VIPAS39: variants seen among roughly 807,000 people sequenced by gnomAD.
VIPAS39 encodes the protein VPS33B interacting protein, apical-basolateral polarity regulator, spe-39 homolog.
A neutral mutation model predicts 84.7 loss-of-function variants in VIPAS39; 63 were observed. That is an observed-to-expected ratio of 0.74 (90% CI 0.61 to 0.92). VIPAS39 has a LOEUF of 0.92. Among genes scored for constraint, VIPAS39 ranks in the 40% least tolerant of loss-of-function variants. The pLI, the probability that VIPAS39 is intolerant of heterozygous loss-of-function variation, is 0.00. For missense variants in VIPAS39, 499 were observed against 604.5 expected, an observed-to-expected ratio of 0.83 and a Z score of 1.83; for synonymous variants, 192 against 216.5, an observed-to-expected ratio of 0.89 and a Z score of 0.99.
chr14:77,442,885 G>C (rs968046507), intron 9 of VIPAS39, among the ~76,000 whole-genome samples: 3 of 152,122 alleles, frequency 2.0e-5, no homozygotes, highest in African/African-American at 7.2e-5. Context: ...ACTTAGCATG[G>C]ACTCTGACTT....
At chr14:77,430,554 T>TA (rs1351856715) in intron 16 of VIPAS39, among the ~76,000 whole-genome samples, 4 of 151,840 alleles carry the variant, frequency 2.6e-5, no homozygotes, top group Non-Finnish European at 5.9e-5. Context: ...CCATCTTTAC[T>TA]AAAAATACAA....
At chr14:77,456,842 TATAG>T (rs1290596337) in intron 1 of VIPAS39, among the ~76,000 whole-genome samples, 1 of 152,220 alleles carries the variant, frequency 6.6e-6, no homozygotes, top group East Asian at 1.9e-4. Context: ...ACTTGGCAAG[TATAG>T]ATAATGATCT....
intron 16 of VIPAS39, among the ~76,000 whole-genome samples, chr14:77,432,914 C>T (rs1222431228): frequency 6.6e-6 from 1 of 152,108 alleles, no homozygotes; most frequent in Non-Finnish European, 1.5e-5. Context: ...AAATGGCTAA[C>T]TGTGAGATGA....
chr14:77,456,469 C>G (rs934026944), intron 1 of VIPAS39, among the ~76,000 whole-genome samples: 1 of 152,200 alleles, frequency 6.6e-6, no homozygotes, highest in Non-Finnish European at 1.5e-5. Context: ...GTTTGATCCT[C>G]AGAACAATCT....
intron 19 of VIPAS39, 140 bp downstream of exon 19, chr14:77,428,230 A>C (rs532462361): frequency 1.3e-6 from 1 of 759,094 alleles, no homozygotes; most frequent in Admixed American, 2.0e-5. Flanking sequence ...TGCTTTTGAC[A>C]TTGTGGCCAG....
At chr14:77,437,587 T>C (rs2078633377) in intron 12 of VIPAS39, among the ~76,000 whole-genome samples, 1 of 152,130 alleles carries the variant, frequency 6.6e-6, no homozygotes, top group African/African-American at 2.4e-5. Flanking sequence ...AAAAAATCTC[T>C]CTACATTTGT....
rs370271110 is a variant in VIPAS39 at position 77,435,340 on chromosome 14, G to A, written c.966C>T (p.His322=). 1.2e-6 allele frequency: 2 copies of A among 1,612,388 alleles called. No individual in the cohort carries two copies. The highest frequency in any genetic ancestry group is 1.1e-5 in the South Asian group (1 of 91,030). The change falls in exon 14 of 20, where the codon CAC becomes CAT. Residue 322 remains histidine, a synonymous_variant. Coordinates refer to ENST00000557658, the MANE Select transcript of VIPAS39 (RefSeq NM_001193315.2). ...TGTTGAGGATGGAGGCTTTGCGGGG[G>A]TGCTTTCGGAAGATCTCAGTCTGTC... is the stretch of plus-strand genomic sequence containing the variant. ...SAGQTEIFRK[H]PRKASILNMP...
At chr14:77,427,702 A>T in intron 19 of VIPAS39, 66 bp from the exon 20 acceptor site, 1 of 1,593,200 alleles carries the variant, frequency 6.3e-7, no homozygotes, top group South Asian at 1.1e-5. Context: ...CAAGGCAGAG[A>T]AAATGCAACA....
rs540211704 is a variant in VIPAS39 at position 77,454,095 on chromosome 14, C to T, written c.8G>A (p.Arg3Gln). 1.1e-5 allele frequency: 18 copies of T among 1,613,976 alleles called. No individual in the cohort carries two copies. The highest frequency in any genetic ancestry group is 1.7e-5 in the Admixed American group (1 of 60,006). Residue 3 changes from arginine (R) to glutamine (Q), a missense_variant, in exon 2 of 20, where the codon CGG becomes CAG. Transcript: ENST00000557658. Reference protein sequence around the residue: MNRTKGDEEEYWN... With the variant: MNQTKGDEEEYWN... ...ATACTCCTCCTCATCACCCTTTGTC[C>T]GATTCATCTACAGTGACAGGAAAAC...
At chr14:77,432,473 T>G (rs1381415247) in intron 16 of VIPAS39, among the ~76,000 whole-genome samples, 1 of 152,146 alleles carries the variant, frequency 6.6e-6, no homozygotes, top group Admixed American at 6.5e-5. Context: ...TACACTCCCA[T>G]GTTTATTGTG....
At chr14:77,451,454 A>C in intron 3 of VIPAS39, 121 bp from the exon 4 acceptor site, 1 of 1,434,228 alleles carries the variant, frequency 7.0e-7, no homozygotes, top group African/African-American at 1.4e-5. Context: ...AACTTGGGGC[A>C]GGGAGAAAAG....
intron 7 of VIPAS39, among the ~76,000 whole-genome samples, chr14:77,445,862 C>T (rs1198274614): frequency 6.6e-6 from 1 of 151,514 alleles, no homozygotes; most frequent in Non-Finnish European, 1.5e-5. Context: ...ATCACTTGAA[C>T]CTGGGAGGCG....
chr14:77,432,493 A>G lies in VIPAS39; in HGVS notation c.1179+1349T>C, dbSNP rs146517495. Among the ~76,000 whole-genome samples the G allele has an allele frequency of 4.4e-3, 670 of 152,322 alleles. 7 individuals carry two copies. Among genetic ancestry groups the G allele is most frequent in the African/African-American group, 0.015 (644 of 41,574 alleles). ...TCCCATGTTTATTGTGGCATTATTC[A>G]CAAGAGCCAAGATATGGAAACAACC... On this transcript the variant is annotated intron_variant, in intron 16 of 19. Transcript: ENST00000557658.
intron 12 of VIPAS39, 139 bp downstream of exon 12, chr14:77,437,669 T>A: frequency 1.2e-6 from 1 of 857,958 alleles, no homozygotes; most frequent in South Asian, 1.4e-5. Context: ...CACCACTGCA[T>A]GAGGTGACCC....
chr14:77,435,168 A>C, intron 14 of VIPAS39, 91 bp downstream of exon 14: 1 of 1,585,454 alleles, frequency 6.3e-7, no homozygotes, highest in Non-Finnish European at 8.7e-7. Flanking sequence ...ATACATACCC[A>C]TTATTAATAG....
chr14:77,442,305 C>G (rs2078715669), intron 10 of VIPAS39, among the ~76,000 whole-genome samples: 1 of 152,172 alleles, frequency 6.6e-6, no homozygotes, highest in Non-Finnish European at 1.5e-5. Flanking sequence ...TGGCCAAGGT[C>G]ACTCAATGAA....
At chr14:77,444,958 C>G (rs1400253695) in intron 7 of VIPAS39, among the ~76,000 whole-genome samples, 1 of 135,186 alleles carries the variant, frequency 7.4e-6, no homozygotes, top group East Asian at 3.2e-4. Context: ...GTATATAGTT[C>G]AGTGATTTTT....
intron 7 of VIPAS39, among the ~76,000 whole-genome samples, chr14:77,447,674 CA>C (rs1275160105): frequency 6.6e-6 from 1 of 151,882 alleles, no homozygotes; most frequent in Non-Finnish European, 1.5e-5. Flanking sequence ...TTTTTTTGGG[CA>C]GGGGGGCGGA....
intron 7 of VIPAS39, among the ~76,000 whole-genome samples, chr14:77,446,647 A>G (rs1304180930): frequency 3.3e-5 from 5 of 152,248 alleles, no homozygotes; most frequent in African/African-American, 1.2e-4. Flanking sequence ...CAATTTTGGA[A>G]GAGAACAACA....
Sources: gnomAD v4.1 joint callset for allele counts (sites outside exome capture counted in the v4.1 genomes callset) on GRCh38, gnomAD v4.1.1 for gene constraint, MANE v1.5 for transcripts, NCBI Gene and HGNC (gene_info 2026-07-23, HGNC 2026-07-21) for gene names.